The following PTPRD variants were observed in gnomAD, a reference collection of about 807,000 sequenced individuals.
The protein encoded by PTPRD is protein tyrosine phosphatase receptor type D, also known as receptor-type tyrosine-protein phosphatase delta.
A neutral mutation model predicts 214.5 loss-of-function variants in PTPRD; 34 were observed. That is an observed-to-expected ratio of 0.16 (90% CI 0.12 to 0.21). The LOEUF (loss-of-function observed/expected upper bound fraction) is 0.21. PTPRD is among the 10% of genes least tolerant of loss of function. The pLI, the probability that PTPRD is intolerant of heterozygous loss-of-function variation, is 1.00. For synonymous variants in PTPRD, 1,128 were observed against 845.7 expected (o/e 1.33, Z -5.79); for missense variants, 2,545 against 2,398.7 (o/e 1.06, Z -1.27).
chr9:9,044,126 A>AT (rs1189688617), intron 10 of PTPRD, among the ~76,000 whole-genome samples: 1 of 152,150 alleles, frequency 6.6e-6, no homozygotes, highest in African/African-American at 2.4e-5. Context: ...GGAAAAAGTT[A>AT]TTTTTATATG....
At chr9:9,949,921 G>C (rs1046830494) in intron 4 of PTPRD, among the ~76,000 whole-genome samples, 1 of 152,118 alleles carries the variant, frequency 6.6e-6, no homozygotes. Context: ...CAAAAAATTT[G>C]TTTGTAGGGT....
At chr9:8,708,348 G>C (rs769529009) in intron 12 of PTPRD, among the ~76,000 whole-genome samples, 1 of 152,046 alleles carries the variant, frequency 6.6e-6, no homozygotes, top group East Asian at 1.9e-4. Flanking sequence ...AGCCATTATA[G>C]AAAACAGTAT....
rs534987989 is a variant in PTPRD at position 9,931,173 on chromosome 9, T to C, written c.-368+7334A>G. Among the ~76,000 whole-genome samples the C allele has an allele frequency of 1.1e-3, 172 of 152,206 alleles. 5 individuals are homozygous for C. The South Asian group carries it at 0.034, about 30-fold the overall frequency. ...TTTTCCTATAGAAAAAAATTGATTG[T>C]AACAACAAGTTAAAAATAAAAAAAA... On this transcript the variant is annotated intron_variant, in intron 5 of 45. Coordinates refer to ENST00000381196, the MANE Select transcript of PTPRD (RefSeq NM_002839.4).
intron 5 of PTPRD, among the ~76,000 whole-genome samples, chr9:9,877,340 A>T (rs932548416): frequency 4.6e-5 from 7 of 152,190 alleles, no homozygotes; most frequent in African/African-American, 1.7e-4. Flanking sequence ...GTCCAATGTC[A>T]TGGGGAGGAT....
intron 10 of PTPRD, among the ~76,000 whole-genome samples, chr9:9,114,940 T>C (rs2099810886): frequency 6.6e-6 from 1 of 152,146 alleles, no homozygotes; most frequent in Non-Finnish European, 1.5e-5. Flanking sequence ...GAATCAGTGT[T>C]GTTCTTAGGA....
chr9:8,904,256 T>C (rs13287276), intron 11 of PTPRD, among the ~76,000 whole-genome samples: 51,909 of 152,108 alleles, frequency 0.34, 10,447 homozygotes, highest in Non-Finnish European at 0.45. Flanking sequence ...ATAACCACAA[T>C]AAAGTTTTAG....
chr9:8,761,092 G>A (rs1022415737), intron 11 of PTPRD, among the ~76,000 whole-genome samples: 4 of 152,118 alleles, frequency 2.6e-5, no homozygotes, highest in Non-Finnish European at 4.4e-5. Context: ...TGAAGCTACA[G>A]GTAGAAAAAT....
rs990200129 is a variant in PTPRD at position 10,523,686 on chromosome 9, G to A, written c.-600+88712C>T. ...AAAGAGAGAGAGAGAGAGAGAAAGC[G>A]GCTCTAATATGTTTGTTTACAGGTG... is the stretch of plus-strand genomic sequence containing the variant. On this transcript the variant is annotated intron_variant, in intron 2 of 45. Coordinates refer to ENST00000381196, the MANE Select transcript of PTPRD (RefSeq NM_002839.4). Among the ~76,000 whole-genome samples, 18 of 144,716 alleles carry A rather than the reference G, an allele frequency of 1.2e-4. No homozygotes were observed. In the East Asian group the frequency reaches 2.9e-3, roughly 23 times the overall value. The allele number at this position is 144,716 out of a possible 152,430, so 94.9% of individuals were successfully genotyped here. A position where few individuals can be genotyped will look rare whatever the true frequency, so the allele number is the denominator to read the frequency against.
intron 3 of PTPRD, among the ~76,000 whole-genome samples, chr9:10,047,686 A>G (rs569338095): frequency 6.6e-6 from 1 of 152,216 alleles, no homozygotes; most frequent in East Asian, 1.9e-4. Context: ...GCATCACTGC[A>G]ATAGGAAAAC....
intron 9 of PTPRD, among the ~76,000 whole-genome samples, chr9:9,266,661 A>T (rs1262089491): frequency 6.6e-6 from 1 of 151,324 alleles, no homozygotes; most frequent in African/African-American, 2.4e-5. Flanking sequence ...ATTAAGTATA[A>T]ATAGGTTTAA....
intron 9 of PTPRD, among the ~76,000 whole-genome samples, chr9:9,328,493 A>G (rs2040926381): frequency 6.6e-6 from 1 of 151,982 alleles, no homozygotes; most frequent in Non-Finnish European, 1.5e-5. Flanking sequence ...AGATGCTTCA[A>G]CCTGGCTGGT....
intron 24 of PTPRD, among the ~76,000 whole-genome samples, 190 bp downstream of exon 24, chr9:8,500,557 TGAAAAAA>T (rs2097373712): frequency 2.3e-4 from 1 of 4,348 alleles, no homozygotes; most frequent in African/African-American, 7.8e-4. Flanking sequence ...TTGAAAAAAA[TGAAAAAA>T]AAAAAAAAAA....
intron 11 of PTPRD, among the ~76,000 whole-genome samples, chr9:8,787,702 G>C (rs2096048867): frequency 2.0e-5 from 3 of 150,020 alleles, no homozygotes; most frequent in Admixed American, 6.6e-5. Context: ...AGGAGAGATG[G>C]GACAGGACAG....
chr9:9,064,699 A>G (rs951781469), intron 10 of PTPRD, among the ~76,000 whole-genome samples: 2 of 152,214 alleles, frequency 1.3e-5, no homozygotes. Flanking sequence ...AGTTGACAGC[A>G]ATCTGTGGTA....
chr9:9,016,576 G>C (rs1176022676), intron 11 of PTPRD, among the ~76,000 whole-genome samples: 1 of 152,046 alleles, frequency 6.6e-6, no homozygotes, highest in Non-Finnish European at 1.5e-5. Flanking sequence ...CCCACAGCAG[G>C]ATATTCTTAT....
intron 39 of PTPRD, among the ~76,000 whole-genome samples, chr9:8,352,116 A>G (rs2075676670): frequency 1.3e-5 from 2 of 150,550 alleles, no homozygotes; most frequent in Non-Finnish European, 2.9e-5. Context: ...GACTCAAACT[A>G]AAATCTTCCA....
chr9:9,369,050 T>G (rs939873998), intron 9 of PTPRD, among the ~76,000 whole-genome samples: 2 of 152,092 alleles, frequency 1.3e-5, no homozygotes, highest in African/African-American at 4.8e-5. Flanking sequence ...CTGAGAATGA[T>G]GGTTTCCAGC....
At chr9:9,511,493 C>T (rs1298475783) in intron 8 of PTPRD, among the ~76,000 whole-genome samples, 2 of 151,432 alleles carry the variant, frequency 1.3e-5, no homozygotes, top group Non-Finnish European at 3.0e-5. Context: ...TATTGTTTGC[C>T]TAACTGAAAA....
intron 14 of PTPRD, among the ~76,000 whole-genome samples, chr9:8,619,599 T>C (rs1049342901): frequency 8.6e-5 from 13 of 152,046 alleles, no homozygotes; most frequent in African/African-American, 3.1e-4. Flanking sequence ...TAATGCATTT[T>C]ATTTTTCACA....
Sources: allele counts gnomAD v4.1 joint callset (sites outside exome capture counted in the v4.1 genomes callset), GRCh38; gene constraint gnomAD v4.1.1; transcripts MANE v1.5; gene names NCBI Gene and HGNC (gene_info 2026-07-23, HGNC 2026-07-21).